TSHZ1: variants seen among roughly 807,000 people sequenced by gnomAD.
TSHZ1 encodes teashirt zinc finger homeobox 1, also known as teashirt homolog 1.
TSHZ1 carries 12 observed loss-of-function variants against 67.1 expected under a neutral mutation model. That is an observed-to-expected ratio of 0.18 (90% CI 0.11 to 0.29). The LOEUF is 0.29. TSHZ1 is among the 10% of genes least tolerant of loss of function. The pLI, the probability that TSHZ1 is intolerant of heterozygous loss-of-function variation, is 1.00. For missense variants in TSHZ1, 1,305 were observed against 1,413.9 expected, an observed-to-expected ratio of 0.92 and a Z score of 1.23; for synonymous variants, 632 against 622.4, an observed-to-expected ratio of 1.02 and a Z score of -0.23.
At chr18:75,264,210 C>T (rs1048179643) in intron 1 of TSHZ1, among the ~76,000 whole-genome samples, 11 of 152,140 alleles carry the variant, frequency 7.2e-5, no homozygotes, top group African/African-American at 1.2e-4. Flanking sequence ...TAAGTCCCTG[C>T]TTTTTGATAT....
At chr18:75,250,749 A>G (rs557787483) in intron 1 of TSHZ1, among the ~76,000 whole-genome samples, 202 of 152,346 alleles carry the variant, frequency 1.3e-3, no homozygotes, top group African/African-American at 4.4e-3. Context: ...TCTGGGATGA[A>G]GGCCACAGGT....
At chr18:75,237,696 A>G (rs547893431) in intron 1 of TSHZ1, among the ~76,000 whole-genome samples, 17 of 152,324 alleles carry the variant, frequency 1.1e-4, no homozygotes, top group African/African-American at 4.1e-4. Context: ...GCTCACATCA[A>G]GCTCAAGGGT....
In TSHZ1 at chr18:75,287,006, C is replaced by T; in HGVS notation, c.1599C>T (p.Tyr533=). 6.2e-7 allele frequency: 1 copy of T among 1,613,980 alleles called. No individual in the cohort carries two copies. Among genetic ancestry groups the T allele is most frequent in the Non-Finnish European group, 8.5e-7 (1 of 1,180,002 alleles). ...AGAAATTTGAGCCCAGCACCCTGTA[C>T]CCGTACCTGCGTGAGGAGGACCTGG... ...SLEKFEPSTL[Y]PYLREEDLDD... Residue 533 remains tyrosine (Y), a synonymous_variant, in exon 2 of 2, where the codon TAC becomes TAT. Coordinates refer to ENST00000580243, the MANE Select transcript of TSHZ1 (RefSeq NM_001308210.2). The surrounding 1 kb of genome is among the most constrained non-coding windows in gnomAD (Gnocchi z 5.0).
intron 1 of TSHZ1, among the ~76,000 whole-genome samples, chr18:75,219,163 G>T (rs1047277756): frequency 9.9e-5 from 15 of 152,162 alleles, no homozygotes; most frequent in African/African-American, 3.4e-4. Flanking sequence ...TGACAGAAGA[G>T]AATGCTAAAG....
chr18:75,243,108 G>T (rs968608761), intron 1 of TSHZ1, among the ~76,000 whole-genome samples: 3 of 152,298 alleles, frequency 2.0e-5, no homozygotes, highest in Non-Finnish European at 4.4e-5. Context: ...TGCAGCTGGG[G>T]CATGGCTGGC....
At chr18:75,250,947 C>T (rs1459608376) in intron 1 of TSHZ1, among the ~76,000 whole-genome samples, 2 of 152,208 alleles carry the variant, frequency 1.3e-5, no homozygotes, top group African/African-American at 2.4e-5. Flanking sequence ...GTACCAGCCC[C>T]GGGCGTGTTT....
At chr18:75,269,383 C>A (rs911067171) in intron 1 of TSHZ1, among the ~76,000 whole-genome samples, 2 of 152,028 alleles carry the variant, frequency 1.3e-5, no homozygotes, top group Non-Finnish European at 2.9e-5. Context: ...GAGACCTGGC[C>A]CAGCAGGAAG....
intron 1 of TSHZ1, among the ~76,000 whole-genome samples, chr18:75,258,856 G>C (rs1277671953): frequency 6.6e-6 from 1 of 152,124 alleles, no homozygotes; most frequent in Non-Finnish European, 1.5e-5. Context: ...GATGGCAGTG[G>C]TGATGTTATT....
At chr18:75,264,564 A>G (rs1399265415) in intron 1 of TSHZ1, among the ~76,000 whole-genome samples, 2 of 151,748 alleles carry the variant, frequency 1.3e-5, no homozygotes, top group East Asian at 1.9e-4. Context: ...ACTCTGATAC[A>G]TAGGTAGTTA....
chr18:75,279,853 G>T (rs1296562149), intron 1 of TSHZ1, among the ~76,000 whole-genome samples: 2 of 152,234 alleles, frequency 1.3e-5, no homozygotes, highest in Non-Finnish European at 2.9e-5. Flanking sequence ...GCTGTGGCTG[G>T]TAGACGTTCC....
chr18:75,243,343 G>T (rs1171198904), intron 1 of TSHZ1, among the ~76,000 whole-genome samples: 2 of 152,176 alleles, frequency 1.3e-5, no homozygotes, highest in East Asian at 3.8e-4. Flanking sequence ...TTTGAGAAAT[G>T]CAATGATGAG....
intron 1 of TSHZ1, among the ~76,000 whole-genome samples, chr18:75,257,869 G>A (rs1043391496): frequency 3.3e-5 from 5 of 152,182 alleles, no homozygotes; most frequent in African/African-American, 1.2e-4. Context: ...CAGTTTCTTT[G>A]TAAAATGATA....
chr18:75,254,496 A>G (rs2023340924), intron 1 of TSHZ1, among the ~76,000 whole-genome samples: 1 of 152,230 alleles, frequency 6.6e-6, no homozygotes, highest in Non-Finnish European at 1.5e-5. Flanking sequence ...CATAGACAAT[A>G]TCTCCAGGTT....
chr18:75,281,119 G>A lies in TSHZ1; in HGVS notation c.41-4329G>A, dbSNP rs1012346414. Among the ~76,000 whole-genome samples the A allele has an allele frequency of 4.6e-5, 7 of 152,204 alleles. No individual in the cohort carries two copies. Among genetic ancestry groups the A allele is most frequent in the African/African-American group, 1.7e-4 (7 of 41,458 alleles). ...GCAAAGGCTTGCACTCAGGGTTGTC[G>A]GGAGCACAGCGTCTGCTGGAAGGGA... On this transcript the variant is annotated intron_variant, in intron 1 of 1. Coordinates refer to ENST00000580243, the MANE Select transcript of TSHZ1 (RefSeq NM_001308210.2). This position sits in a 1 kb window ranked among gnomAD's most constrained non-coding sequence, Gnocchi z 5.3.
At chr18:75,246,014 TC>T (rs1331113244) in intron 1 of TSHZ1, among the ~76,000 whole-genome samples, 1 of 152,114 alleles carries the variant, frequency 6.6e-6, no homozygotes, top group East Asian at 1.9e-4. Flanking sequence ...GCTTCCCCTC[TC>T]CCCCAGCAAA....
At chr18:75,216,104 A>G (rs1248886226) in intron 1 of TSHZ1, among the ~76,000 whole-genome samples, 2 of 152,178 alleles carry the variant, frequency 1.3e-5, no homozygotes, top group South Asian at 2.1e-4. Flanking sequence ...TAATTTTGTT[A>G]ATTATTATTT....
Position 75,279,482 on chromosome 18 carries a change from C to T in TSHZ1, c.41-5966C>T, listed in dbSNP as rs78094272. Among the ~76,000 whole-genome samples the T allele has an allele frequency of 1.5e-3, 232 of 152,250 alleles. 3 individuals are homozygous for T. In the East Asian group the frequency reaches 0.037, roughly 24 times the overall value. On this transcript the variant is annotated intron_variant, in intron 1 of 1. Transcript: ENST00000580243. ...AACTGTGTGTGGGTGAGCCGCCGGCCCTCCTGTTTGTCAGACACTGCAGCC... is the reference window on the plus strand; with the variant it reads ...AACTGTGTGTGGGTGAGCCGCCGGCTCTCCTGTTTGTCAGACACTGCAGCC...
chr18:75,221,871 G>A (rs996422430), intron 1 of TSHZ1, among the ~76,000 whole-genome samples: 1 of 152,134 alleles, frequency 6.6e-6, no homozygotes, highest in Non-Finnish European at 1.5e-5. Flanking sequence ...ACTGTGCTGT[G>A]CACAAATCTC....
At chr18:75,229,627 C>T (rs1345255278) in intron 1 of TSHZ1, among the ~76,000 whole-genome samples, 3 of 152,212 alleles carry the variant, frequency 2.0e-5, no homozygotes, top group Non-Finnish European at 2.9e-5. Flanking sequence ...CTGGCTCTTG[C>T]GAGGACAGGT....
Sources: allele counts gnomAD v4.1 joint callset (sites outside exome capture counted in the v4.1 genomes callset), GRCh38; gene constraint gnomAD v4.1.1; non-coding constraint Gnocchi (gnomAD v3.1); transcripts MANE v1.5; gene names NCBI Gene and HGNC (gene_info 2026-07-23, HGNC 2026-07-21).